Variants in NANOGNB observed in about 807,000 individuals in gnomAD.
NANOGNB encodes NANOG neighbor homeobox, also known as homeobox C14.
In NANOGNB, 30 loss-of-function variants were observed where a neutral mutation model predicts 25.0. The observed-to-expected ratio is 1.20, with a 90% CI of 0.90 to 1.63. The LOEUF (loss-of-function observed/expected upper bound fraction) is 1.63, where lower values mean the gene tolerates loss of function less well. Among genes scored for constraint, NANOGNB ranks in the 40% most tolerant of loss-of-function variants. The pLI, the probability that NANOGNB is intolerant of heterozygous loss-of-function variation, is 0.00. For synonymous variants in NANOGNB, 84 were observed against 62.1 expected (o/e 1.35, Z -1.66); for missense variants, 200 against 188.1 (o/e 1.06, Z -0.37).
At chr12:7,772,498 C>T (rs867277856) in intron 3 of NANOGNB, among the ~76,000 whole-genome samples, 2 of 150,834 alleles carry the variant, frequency 1.3e-5, no homozygotes, top group African/African-American at 2.4e-5. Flanking sequence ...AGGATGGTCT[C>T]GATCTCCTGA....
rs374776518 is a variant in NANOGNB at position 7,766,571 on chromosome 12, ATTTCT to A, written c.102+1193_102+1197del. Among the ~76,000 whole-genome samples, 216 of 152,272 alleles carry A rather than the reference ATTTCT, an allele frequency of 1.4e-3. 4 individuals carry two copies. Among genetic ancestry groups the A allele is most frequent in the African/African-American group, 4.9e-3 (205 of 41,562 alleles). On this transcript the variant is annotated intron_variant, in intron 1 of 3. Coordinates refer to ENST00000382119, the MANE Select transcript of NANOGNB (RefSeq NM_001145465.1). Reference sequence around the variant, plus strand: ...ATGGGGATGGGAAATTGGCCATTTGATTTCTTTTCTTTTGTTTTTGTTTCTTGAGT... The same window carrying A: ...ATGGGGATGGGAAATTGGCCATTTGATTTCTTTTGTTTTTGTTTCTTGAGT...
At chr12:7,768,626 T>C (rs990000406) in intron 1 of NANOGNB, among the ~76,000 whole-genome samples, 1 of 151,954 alleles carries the variant, frequency 6.6e-6, no homozygotes, top group Admixed American at 6.6e-5. Context: ...TCCGCCTCCC[T>C]GGTTCTTGCC....
chr12:7,773,905 C>T lies in NANOGNB; in HGVS notation c.*54C>T. 3.4e-6 allele frequency: 2 copies of T among 589,260 alleles called. No homozygotes were observed. The highest frequency in any genetic ancestry group is 5.9e-6 in the Non-Finnish European group (2 of 338,204). 36.5% of individuals were successfully genotyped at this position (589,260 alleles called of 1,614,324 possible). ...GTGATTACAAGCATGAGCCATCGCA[C>T]TGGCTAAGACATTTTACATGACACC... On this transcript the variant is annotated 3_prime_UTR_variant, in exon 4 of 4. Coordinates refer to ENST00000382119, the MANE Select transcript of NANOGNB (RefSeq NM_001145465.1).
At chr12:7,765,451 T>C in intron 1 of NANOGNB, 64 bp downstream of exon 1, 1 of 315,078 alleles carries the variant, frequency 3.2e-6, no homozygotes, top group Non-Finnish European at 6.2e-6. Context: ...GCGCCTGTAG[T>C]CCTAGCTACT....
chr12:7,771,441 G>A (rs1476503491), intron 3 of NANOGNB, among the ~76,000 whole-genome samples: 1 of 151,858 alleles, frequency 6.6e-6, no homozygotes, highest in South Asian at 2.1e-4. Context: ...GGATGGTCTC[G>A]ATCTCCTGAC....
rs1865277855 is a variant in NANOGNB, at chr12:7,770,054, T to C, written c.174T>C (p.Asn58=). The change falls in exon 2 of 4, where the codon AAT becomes AAC. Residue 58 remains asparagine (N), a synonymous_variant. Transcript: ENST00000382119. ...STGNYSEDEQ[N]GKQKWREEGE... is the part of the protein sequence containing the mutation. ...GAAATTACAGTGAAGATGAACAAAA[T>C]GGAAAGCAGAAATGGAGAGAAGAAG... The C allele has an allele frequency of 6.5e-7, 1 of 1,537,028 alleles. No homozygotes were observed. Among genetic ancestry groups the C allele is most frequent in the Non-Finnish European group, 8.7e-7 (1 of 1,143,704 alleles).
chr12:7,773,074 A>C (rs898055533), intron 3 of NANOGNB, among the ~76,000 whole-genome samples: 3 of 150,112 alleles, frequency 2.0e-5, no homozygotes, highest in African/African-American at 7.3e-5. Context: ...TTTCACATGT[A>C]GTGTTGTTTA....
chr12:7,773,135 T>TG (rs1231771504), intron 3 of NANOGNB, among the ~76,000 whole-genome samples: 2 of 151,022 alleles, frequency 1.3e-5, no homozygotes, highest in South Asian at 4.2e-4. Flanking sequence ...TTTTTTTTTT[T>TG]TTCAAAGATG....
At chr12:7,767,567 AT>A (rs1865256362) in intron 1 of NANOGNB, among the ~76,000 whole-genome samples, 2 of 151,978 alleles carry the variant, frequency 1.3e-5, no homozygotes, top group Admixed American at 6.6e-5. Flanking sequence ...TAAATACATT[AT>A]TTTTTTAAAA....
intron 3 of NANOGNB, among the ~76,000 whole-genome samples, chr12:7,773,319 G>T (rs1307201800): frequency 6.6e-6 from 1 of 151,412 alleles, no homozygotes; most frequent in Non-Finnish European, 1.5e-5. Flanking sequence ...TTACCACTTT[G>T]AAATTTTAAA....
At chr12:7,770,336 A>G in intron 2 of NANOGNB, 21 bp downstream of exon 2, 1 of 1,520,416 alleles carries the variant, frequency 6.6e-7, no homozygotes, top group Non-Finnish European at 8.8e-7. Context: ...ATTAATAGAC[A>G]TTTCTTCATT....
chr12:7,765,458 T>C (rs1865237190), intron 1 of NANOGNB, 71 bp downstream of exon 1: 4 of 290,256 alleles, frequency 1.4e-5, no homozygotes, highest in Non-Finnish European at 2.7e-5. Context: ...TAGTCCTAGC[T>C]ACTCTGGAGG....
intron 3 of NANOGNB, among the ~76,000 whole-genome samples, chr12:7,773,429 C>T (rs991467028): frequency 4.6e-5 from 7 of 151,094 alleles, no homozygotes; most frequent in East Asian, 1.9e-4. Context: ...CGGCTGGGTG[C>T]GTGGCTCATG....
intron 1 of NANOGNB, among the ~76,000 whole-genome samples, chr12:7,768,744 G>A (rs1865265451): frequency 6.6e-6 from 1 of 152,040 alleles, no homozygotes; most frequent in Admixed American, 6.6e-5. Context: ...GTGTTAGCCA[G>A]GATGGTCTCA....
rs1317861034 is a variant in NANOGNB, at chr12:7,768,975, G to A, written c.103-1008G>A. 3.9e-5 allele frequency among the ~76,000 whole-genome samples: 6 copies of A among 151,994 alleles called. No individual in the cohort carries two copies. In the East Asian group the frequency reaches 9.7e-4, roughly 25 times the overall value. On this transcript the variant is annotated intron_variant, in intron 1 of 3. Transcript: ENST00000382119. Reference sequence around the variant, plus strand: ...GATGTAATTAAAATCCATATTAATCGTCTTCAAGTAAAAGGGATTATAATC... The same window carrying A: ...GATGTAATTAAAATCCATATTAATCATCTTCAAGTAAAAGGGATTATAATC...
chr12:7,767,699 C>A (rs1445958790), intron 1 of NANOGNB, among the ~76,000 whole-genome samples: 1 of 151,906 alleles, frequency 6.6e-6, no homozygotes, highest in Non-Finnish European at 1.5e-5. Context: ...TAAACAGAAT[C>A]ATACAATATA....
At chr12:7,769,368 G>C (rs942416142) in intron 1 of NANOGNB, among the ~76,000 whole-genome samples, 8 of 150,202 alleles carry the variant, frequency 5.3e-5, no homozygotes, top group Non-Finnish European at 1.2e-4. Flanking sequence ...CTGTTGCCAG[G>C]CTGGAGTGCA....
At chr12:7,765,569 C>CA (rs1187331161) in intron 1 of NANOGNB, among the ~76,000 whole-genome samples, 182 bp downstream of exon 1, 3,940 of 47,974 alleles carry the variant, frequency 0.082, 239 homozygotes, top group South Asian at 0.23. Context: ...GACTCCGTCT[C>CA]AAAAAAAAAA....
chr12:7,769,559 G>T (rs1865273855), intron 1 of NANOGNB, among the ~76,000 whole-genome samples: 1 of 151,992 alleles, frequency 6.6e-6, no homozygotes, highest in African/African-American at 2.4e-5. Flanking sequence ...CTGACCTTAG[G>T]TGATCCACCC....
Sources: gnomAD v4.1 joint callset for allele counts (sites outside exome capture counted in the v4.1 genomes callset) on GRCh38, gnomAD v4.1.1 for gene constraint, MANE v1.5 for transcripts, NCBI Gene and HGNC (gene_info 2026-07-23, HGNC 2026-07-21) for gene names.